SOX5: variants seen among roughly 807,000 people sequenced by gnomAD.
SOX5 encodes SRY-box transcription factor 5, also known as transcription factor SOX-5.
In SOX5, 9 loss-of-function variants were observed where a neutral mutation model predicts 92.0. The ratio of observed to expected loss-of-function variants is 0.10; its 90% CI spans 0.06 to 0.17. The LOEUF is 0.17. Ranked by LOEUF, SOX5 falls within the 10% of genes least tolerant of loss-of-function variation. SOX5 has a pLI of 1.00. For synonymous variants in SOX5, 344 were observed against 336.3 expected (o/e 1.02, Z -0.25); for missense variants, 642 against 944.5 (o/e 0.68, Z 4.20).
intron 12 of SOX5, among the ~76,000 whole-genome samples, chr12:23,544,786 T>C (rs974559364): frequency 4.6e-5 from 7 of 152,240 alleles, no homozygotes; most frequent in African/African-American, 1.7e-4. Context: ...AAATGTGTTA[T>C]TACCCGTAAT....
At chr12:23,574,593 T>C (rs1226114363) in intron 10 of SOX5, among the ~76,000 whole-genome samples, 1 of 152,244 alleles carries the variant, frequency 6.6e-6, no homozygotes, top group Non-Finnish European at 1.5e-5. Flanking sequence ...TTGTATCTCA[T>C]GTAACTTATT....
At chr12:23,858,495 C>A (rs550318970) in intron 2 of SOX5, among the ~76,000 whole-genome samples, 41 of 152,226 alleles carry the variant, frequency 2.7e-4, no homozygotes, top group African/African-American at 9.1e-4. Flanking sequence ...CAGCGAGATA[C>A]CATCTCACAC....
chr12:23,795,772 C>A (rs543118156), intron 3 of SOX5, among the ~76,000 whole-genome samples: 2 of 152,110 alleles, frequency 1.3e-5, no homozygotes, highest in South Asian at 4.1e-4. Flanking sequence ...AGACAGCCAC[C>A]CTCAGGAGAA....
chr12:23,992,645 G>T (rs1180121377), intron 4 of SOX5, among the ~76,000 whole-genome samples: 1 of 152,100 alleles, frequency 6.6e-6, no homozygotes, highest in Non-Finnish European at 1.5e-5. Flanking sequence ...GCACTCTGAA[G>T]AATGCATGTA....
intron 4 of SOX5, among the ~76,000 whole-genome samples, chr12:24,099,120 A>G (rs545578850): frequency 6.6e-6 from 1 of 152,226 alleles, no homozygotes; most frequent in South Asian, 2.1e-4. Flanking sequence ...ATTTTCCACA[A>G]TCATAACCCT....
chr12:24,458,145 C>T (rs1427157678), intron 1 of SOX5, among the ~76,000 whole-genome samples: 2 of 151,994 alleles, frequency 1.3e-5, no homozygotes, highest in East Asian at 1.9e-4. Context: ...CCTGGGATGG[C>T]GCCTCAGTGT....
At chr12:23,823,410 A>C (rs528650842) in intron 3 of SOX5, among the ~76,000 whole-genome samples, 28 of 152,232 alleles carry the variant, frequency 1.8e-4, no homozygotes, top group South Asian at 1.5e-3. Context: ...CTGGGTTGAA[A>C]ATTCTTTTCT....
In SOX5 at chr12:24,258,530, G is replaced by A. The variant is rs574683496; in HGVS notation, c.-77+18686C>T. Among the ~76,000 whole-genome samples the A allele has an allele frequency of 2.0e-5, 3 of 152,224 alleles. 1 individual carries two copies. The highest frequency in any genetic ancestry group is 7.2e-5 in the African/African-American group (3 of 41,534). On this transcript the variant is annotated intron_variant, in intron 3 of 4. Coordinates refer to the SOX5 transcript ENST00000446891. The stretch of plus-strand genomic sequence containing the variant: ...TTAAAAAGTTACCTGTTATTTGTTA[G>A]CAAGTTACCTGTTATTTGTTAGAAA...
At chr12:24,514,939 A>G (rs926451856) in intron 1 of SOX5, among the ~76,000 whole-genome samples, 1 of 152,146 alleles carries the variant, frequency 6.6e-6, no homozygotes, top group Non-Finnish European at 1.5e-5. Flanking sequence ...AAAATAACTA[A>G]TGGGTACTAG....
At chr12:24,313,620 C>T (rs966561724) in intron 2 of SOX5, among the ~76,000 whole-genome samples, 2 of 152,162 alleles carry the variant, frequency 1.3e-5, no homozygotes, top group African/African-American at 4.8e-5. Flanking sequence ...ACTGATCACT[C>T]GTGCTCCTTG....
intron 3 of SOX5, among the ~76,000 whole-genome samples, chr12:24,252,441 A>G (rs1466077515): frequency 6.6e-6 from 1 of 152,140 alleles, no homozygotes; most frequent in Non-Finnish European, 1.5e-5. Context: ...CAATCACTGA[A>G]TGAAAAGATT....
At chr12:23,660,318 G>A (rs532256902) in intron 7 of SOX5, among the ~76,000 whole-genome samples, 42 of 150,924 alleles carry the variant, frequency 2.8e-4, no homozygotes, top group South Asian at 1.1e-3. Context: ...AGATAATCTC[G>A]TTTGATCTTT....
chr12:24,497,576 A>T (rs1328899262), intron 1 of SOX5, among the ~76,000 whole-genome samples: 1 of 152,194 alleles, frequency 6.6e-6, no homozygotes, highest in Non-Finnish European at 1.5e-5. Flanking sequence ...TATGAAGAAA[A>T]AGGAATGATT....
At chr12:23,950,814 G>A, upstream of SOX5, 1 of 1,483,006 alleles carries the variant, frequency 6.7e-7, no homozygotes, top group Non-Finnish European at 9.1e-7. Flanking sequence ...ATCAGGTAAT[G>A]TACCTTTGAC....
chr12:24,301,185 G>C (rs1450712222), intron 2 of SOX5, among the ~76,000 whole-genome samples: 2 of 152,160 alleles, frequency 1.3e-5, no homozygotes, highest in Non-Finnish European at 2.9e-5. Flanking sequence ...TGTTGATCCT[G>C]ACACTCTAAT....
At chr12:24,334,656 T>G (rs1951693313) in intron 2 of SOX5, among the ~76,000 whole-genome samples, 1 of 152,108 alleles carries the variant, frequency 6.6e-6, no homozygotes. Context: ...AGGATCTGCC[T>G]TTACAAAATA....
intron 9 of SOX5, among the ~76,000 whole-genome samples, chr12:23,598,556 G>A (rs930724306): frequency 7.9e-5 from 12 of 151,360 alleles, no homozygotes; most frequent in African/African-American, 2.4e-4. Flanking sequence ...CTGCCACCAC[G>A]CCCGGCTAAT....
intron 13 of SOX5, among the ~76,000 whole-genome samples, chr12:23,537,761 G>A (rs1209449878): frequency 1.3e-5 from 2 of 151,552 alleles, no homozygotes; most frequent in African/African-American, 2.4e-5. Flanking sequence ...GTATGGCTAT[G>A]TGTAATAGAA....
chr12:23,964,603 C>A (rs1004266668), intron 4 of SOX5, among the ~76,000 whole-genome samples: 3 of 152,162 alleles, frequency 2.0e-5, no homozygotes, highest in African/African-American at 7.2e-5. Flanking sequence ...TAAAGTCCAG[C>A]ACAACAATGG....
Sources: gnomAD v4.1 joint callset for allele counts (sites outside exome capture counted in the v4.1 genomes callset) on GRCh38, gnomAD v4.1.1 for gene constraint, MANE v1.5 for transcripts, NCBI Gene and HGNC (gene_info 2026-07-23, HGNC 2026-07-21) for gene names.